The following AKTIP variants were observed in gnomAD, a reference collection of about 807,000 sequenced individuals.
AKTIP encodes AKT interacting protein.
AKTIP carries 16 observed loss-of-function variants against 39.1 expected under a neutral mutation model. That is an observed-to-expected ratio of 0.41 (90% CI 0.28 to 0.62). The LOEUF (loss-of-function observed/expected upper bound fraction) is 0.62, where lower values mean the gene tolerates loss of function less well. AKTIP is among the 20% of genes least tolerant of loss of function. AKTIP has a pLI of 0.32. For synonymous variants in AKTIP, 93 were observed against 124.3 expected, an observed-to-expected ratio of 0.75 and a Z score of 1.67; for missense variants, 262 against 356.6, an observed-to-expected ratio of 0.73 and a Z score of 2.14.
In AKTIP at chr16:53,495,335, A is replaced by G; in HGVS notation, c.249-9T>C. On this transcript the variant is annotated splice_polypyrimidine_tract_variant and intron_variant, in intron 3 of 9. Transcript: ENST00000394657. Reference sequence around the variant, plus strand: ...GCTTCACAACCAAGGTACTACAACAAAAGCAGAATAATTAACTTGTGTGGA... The same window carrying G: ...GCTTCACAACCAAGGTACTACAACAGAAGCAGAATAATTAACTTGTGTGGA... The G allele has an allele frequency of 6.2e-7, 1 of 1,614,036 alleles. No individual in the cohort carries two copies. Among genetic ancestry groups the G allele is most frequent in the African/African-American group, 1.3e-5 (1 of 75,050 alleles).
chr16:53,494,739 G>T, intron 5 of AKTIP, 134 bp from the exon 6 acceptor site: 1 of 869,526 alleles, frequency 1.2e-6, no homozygotes, highest in Non-Finnish European at 1.8e-6. Flanking sequence ...CCTCAAGAGG[G>T]CTACTTAACT....
At chr16:53,498,259 T>A (rs1267645238) in intron 3 of AKTIP, 132 bp downstream of exon 3, 1 of 915,710 alleles carries the variant, frequency 1.1e-6, no homozygotes, top group Non-Finnish European at 1.7e-6. Context: ...TTATTAAGTC[T>A]GATACTGGAA....
intron 1 of AKTIP, chr16:53,502,649 C>G (rs1962242364): frequency 6.6e-6 from 1 of 152,286 alleles, no homozygotes; most frequent in African/African-American, 2.4e-5. Flanking sequence ...GACCGGCACC[C>G]TCACCGCGGG....
At chr16:53,492,549 A>AAAAATTACTGGTGAGG (rs750275158) in intron 9 of AKTIP, 30 bp from the exon 10 acceptor site, 4 of 1,611,866 alleles carry the variant, frequency 2.5e-6, no homozygotes, top group Non-Finnish European at 2.5e-6. Context: ...CAGATATTTA[A>AAAAATTACTGGTGAGG]AAAATTACTG....
chr16:53,494,612 T>G lies in AKTIP; in HGVS notation c.415-7A>C. On this transcript the variant is annotated splice_region_variant and splice_polypyrimidine_tract_variant and intron_variant, in intron 5 of 9. Transcript: ENST00000394657. ...GAATATCGAACACCAAGCGCTGTATTTAAATAAAGAGAGACATGTCCTTTA... is the reference window on the plus strand; with the variant it reads ...GAATATCGAACACCAAGCGCTGTATGTAAATAAAGAGAGACATGTCCTTTA... The G allele has an allele frequency of 1.2e-6, 2 of 1,613,258 alleles. No homozygotes were observed. The highest frequency in any genetic ancestry group is 1.7e-6 in the Non-Finnish European group (2 of 1,179,442).
upstream of AKTIP, among the ~76,000 whole-genome samples, chr16:53,504,131 A>C (rs1598167146): frequency 3.1e-5 from 4 of 129,640 alleles, no homozygotes; most frequent in African/African-American, 5.9e-5. Context: ...TCTCATTTGG[A>C]CCTCCCGTCT....
chr16:53,494,789 A>T, intron 5 of AKTIP, 184 bp from the exon 6 acceptor site: 1 of 713,380 alleles, frequency 1.4e-6, no homozygotes, highest in Non-Finnish European at 2.4e-6. Flanking sequence ...TTTGCAATGA[A>T]GCGGGGAAAA....
chr16:53,493,956 TTTTG>T (rs1322661114), intron 8 of AKTIP, 178 bp downstream of exon 8: 7 of 559,032 alleles, frequency 1.3e-5, no homozygotes, highest in Middle Eastern at 4.7e-4. Context: ...ATGTGAAGCT[TTTTG>T]TTTAAGAGAA....
rs1368675863 is a variant in AKTIP at position 53,503,168 on chromosome 16, C to G, written c.-92G>C. The G allele has an allele frequency of 6.5e-6, 1 of 154,064 alleles. No homozygotes were observed. The highest frequency in any genetic ancestry group is 2.4e-5 in the African/African-American group (1 of 41,488). 9.5% of individuals were successfully genotyped at this position (154,064 alleles called of 1,614,324 possible). ...TCACCCCAGTGCCTTCAATGCAGAG[C>G]TCCTGGCTGCCAAGCGCCGCCGCGG... On this transcript the variant is annotated 5_prime_UTR_variant, in exon 1 of 10. Transcript: ENST00000394657.
chr16:53,497,651 A>G (rs1290489613), intron 3 of AKTIP, among the ~76,000 whole-genome samples: 1 of 152,198 alleles, frequency 6.6e-6, no homozygotes, highest in Non-Finnish European at 1.5e-5. Flanking sequence ...CCAAGAAGGC[A>G]GAGACAGCCA....
Position 53,500,290 on chromosome 16 carries a change from G to T in AKTIP, c.-31C>A. ...GTATTCCAAACAAAGAAAGTCAGTG[G>T]TGTATCATCCAAATCTTCTGTCTTC... On this transcript the variant is annotated 5_prime_UTR_variant, in exon 2 of 10. Coordinates refer to ENST00000394657, the MANE Select transcript of AKTIP (RefSeq NM_022476.4). 8 of 1,607,978 alleles carry T rather than the reference G, an allele frequency of 5.0e-6. No individual in the cohort carries two copies. Among genetic ancestry groups the T allele is most frequent in the African/African-American group, 1.3e-5 (1 of 74,656 alleles).
intron 1 of AKTIP, among the ~76,000 whole-genome samples, chr16:53,502,457 C>T (rs946933835): frequency 2.0e-5 from 3 of 152,184 alleles, no homozygotes; most frequent in Admixed American, 1.3e-4. Flanking sequence ...CGTGGCAGAG[C>T]TAAAACTAGG....
At chr16:53,495,935 T>C (rs1961805213) in intron 3 of AKTIP, among the ~76,000 whole-genome samples, 1 of 152,188 alleles carries the variant, frequency 6.6e-6, no homozygotes, top group Admixed American at 6.5e-5. Context: ...CGCCCTGCTC[T>C]CAAATGGACA....
chr16:53,501,823 T>C (rs1426545348), intron 1 of AKTIP: 3 of 152,260 alleles, frequency 2.0e-5, no homozygotes, highest in Non-Finnish European at 2.9e-5. Flanking sequence ...TCTACTAGCA[T>C]GGATAACATG....
chr16:53,495,136 G>A lies in AKTIP; in HGVS notation c.351C>T (p.Tyr117=). Reference sequence around the variant, plus strand: ...CTGTAAACTTAAATACGCCATCTTGGTAAAGTCCATGCCGTATGAATATTA... The same window carrying A: ...CTGTAAACTTAAATACGCCATCTTGATAAAGTCCATGCCGTATGAATATTA... ...FGVIFIRHGL[Y]QDGVFKFTVY... The change falls in exon 5 of 10, where the codon TAC becomes TAT. Residue 117 remains tyrosine (Y), a synonymous_variant. Coordinates refer to ENST00000394657, the MANE Select transcript of AKTIP (RefSeq NM_022476.4). 1 of 1,614,092 alleles carries A rather than the reference G, an allele frequency of 6.2e-7. No homozygotes were observed. The highest frequency in any genetic ancestry group is 2.2e-5 in the East Asian group (1 of 44,882).
At chr16:53,493,830 C>T in intron 8 of AKTIP, 1 of 316,238 alleles carries the variant, frequency 3.2e-6, no homozygotes, top group Admixed American at 4.4e-5. Context: ...AGAGGGGCTC[C>T]AGCTAAAACT....
chr16:53,503,254 A>ACCCCGCCCCGCCCTG, upstream of AKTIP: 1 of 44,014 alleles, frequency 2.3e-5, no homozygotes, highest in South Asian at 7.1e-4. Flanking sequence ...GCCCCGCCCC[A>ACCCCGCCCCGCCCTG]CCCCGCCCTG....
intron 3 of AKTIP, among the ~76,000 whole-genome samples, chr16:53,496,785 A>G (rs997804274): frequency 2.6e-5 from 4 of 152,002 alleles, no homozygotes; most frequent in Non-Finnish European, 4.4e-5. Context: ...AGGCTGCAGT[A>G]AGCTGAGATT....
chr16:53,498,638 C>G, intron 2 of AKTIP, 42 bp from the exon 3 acceptor site: 1 of 1,585,102 alleles, frequency 6.3e-7, no homozygotes, highest in Non-Finnish European at 8.7e-7. Flanking sequence ...TAGGATGATT[C>G]TTAAATCACA....
Sources: allele counts gnomAD v4.1 joint callset (sites outside exome capture counted in the v4.1 genomes callset), GRCh38; gene constraint gnomAD v4.1.1; transcripts MANE v1.5; gene names NCBI Gene and HGNC (gene_info 2026-07-23, HGNC 2026-07-21).